LRRTM4: variants seen among roughly 807,000 people sequenced by gnomAD.
LRRTM4 encodes leucine rich repeat transmembrane neuronal 4, also known as leucine-rich repeat transmembrane neuronal protein 4.
In LRRTM4, 25 loss-of-function variants were observed where a neutral mutation model predicts 47.6. The observed-to-expected ratio is 0.53, with a 90% CI of 0.38 to 0.73. The LOEUF is 0.73. Among genes scored for constraint, LRRTM4 ranks in the 30% least tolerant of loss-of-function variants. The probability of loss-of-function intolerance (pLI) is 0.00; values close to 1 mark genes in which losing one functional copy is unlikely to be tolerated. For synonymous variants in LRRTM4, 311 were observed against 269.5 expected (o/e 1.15, Z -1.51); for missense variants, 638 against 713.4 (o/e 0.89, Z 1.20).
chr2:77,046,706 A>G (rs1183074623), intron 3 of LRRTM4, among the ~76,000 whole-genome samples: 1 of 152,000 alleles, frequency 6.6e-6, no homozygotes, highest in Non-Finnish European at 1.5e-5. Flanking sequence ...TTTAAAAAGC[A>G]TAGAGAAAAA....
chr2:77,254,867 G>T (rs185064641), intron 3 of LRRTM4, among the ~76,000 whole-genome samples: 1 of 140,762 alleles, frequency 7.1e-6, no homozygotes, highest in South Asian at 2.3e-4. Flanking sequence ...AAGTAAAAGC[G>T]AACAGAGAAA....
chr2:76,797,731 C>A (rs1040662830), intron 3 of LRRTM4, among the ~76,000 whole-genome samples: 1 of 151,180 alleles, frequency 6.6e-6, no homozygotes, highest in African/African-American at 2.4e-5. Flanking sequence ...ATCTCACGTG[C>A]AGAGACACAC....
At position 76,825,052 on chromosome 2, in the gene LRRTM4, C is replaced by T. The variant is rs767104171; in HGVS notation, c.1552-76136G>A. On this transcript the variant is annotated intron_variant, in intron 3 of 3. Coordinates refer to ENST00000409884, the MANE Select transcript of LRRTM4 (RefSeq NM_001134745.3). ...GGCAACTTTTTCAAGTGCTGGGATA[C>T]GGCGATAGAACGTAAAGACCTAGAG... is the stretch of plus-strand genomic sequence containing the variant. Among the ~76,000 whole-genome samples the T allele has an allele frequency of 1.1e-3, 161 of 151,336 alleles. 1 individual carries two copies. Among genetic ancestry groups the T allele is most frequent in the Non-Finnish European group, 1.3e-3 (90 of 67,688 alleles).
intron 3 of LRRTM4, among the ~76,000 whole-genome samples, chr2:76,872,629 C>T (rs55991201): frequency 0.38 from 58,174 of 151,566 alleles, 12,446 homozygotes; most frequent in East Asian, 0.71. Context: ...CTAAGTTTGG[C>T]TGCTAACTTC....
chr2:77,231,548 A>G (rs1674965254), intron 3 of LRRTM4, among the ~76,000 whole-genome samples: 1 of 152,096 alleles, frequency 6.6e-6, no homozygotes, highest in Non-Finnish European at 1.5e-5. Context: ...GGACATATAT[A>G]GAGATCTTAT....
chr2:76,907,067 T>A (rs1245281000), intron 3 of LRRTM4, among the ~76,000 whole-genome samples: 83 of 152,022 alleles, frequency 5.5e-4, no homozygotes, highest in Non-Finnish European at 8.8e-4. Context: ...ACCACACCTA[T>A]TCCAAAATTA....
chr2:76,803,902 G>C (rs1255921333), intron 3 of LRRTM4, among the ~76,000 whole-genome samples: 2 of 152,144 alleles, frequency 1.3e-5, no homozygotes, highest in African/African-American at 2.4e-5. Flanking sequence ...GCTGGATAGA[G>C]GGTACCTACA....
At chr2:77,077,253 G>T (rs1680367331) in intron 3 of LRRTM4, among the ~76,000 whole-genome samples, 1 of 152,032 alleles carries the variant, frequency 6.6e-6, no homozygotes, top group African/African-American at 2.4e-5. Context: ...TTGTGCCATA[G>T]ATATCACTAA....
intron 3 of LRRTM4, among the ~76,000 whole-genome samples, chr2:77,082,627 G>A (rs973335279): frequency 4.0e-5 from 6 of 151,876 alleles, no homozygotes; most frequent in South Asian, 2.1e-4. Context: ...AAGCCAGTGC[G>A]TCAACACATA....
In LRRTM4 at chr2:77,219,093, T is replaced by G. The variant is rs528540443; in HGVS notation, c.1551+299225A>C. Among the ~76,000 whole-genome samples the G allele has an allele frequency of 3.3e-5, 5 of 152,288 alleles. No homozygotes were observed. The East Asian group carries it at 9.7e-4, about 29-fold the overall frequency. On this transcript the variant is annotated intron_variant, in intron 3 of 3. Transcript: ENST00000409884. ...ATAAATAAATAGGCAGGGTTAAAAT[T>G]GATTTTTCCCTACTGAAATGTCATA...
intron 3 of LRRTM4, among the ~76,000 whole-genome samples, chr2:76,835,169 G>A (rs1671473728): frequency 6.6e-6 from 1 of 151,994 alleles, no homozygotes; most frequent in African/African-American, 2.4e-5. Context: ...CCCAAACAGA[G>A]CTCATTCTTT....
intron 3 of LRRTM4, among the ~76,000 whole-genome samples, chr2:77,314,066 T>C (rs1454319558): frequency 6.6e-6 from 1 of 152,162 alleles, no homozygotes; most frequent in African/African-American, 2.4e-5. Context: ...AAGAGGTAAT[T>C]TTTAGAGGAT....
chr2:77,049,772 T>G (rs1039579817), intron 3 of LRRTM4, among the ~76,000 whole-genome samples: 20 of 152,148 alleles, frequency 1.3e-4, no homozygotes, highest in Admixed American at 2.6e-4. Flanking sequence ...TTTTCCTTGC[T>G]GTGCAGAAGC....
intron 3 of LRRTM4, among the ~76,000 whole-genome samples, chr2:77,487,842 C>A (rs1385340533): frequency 2.0e-5 from 3 of 152,178 alleles, no homozygotes; most frequent in East Asian, 3.9e-4. Context: ...CTGGATTCAG[C>A]CAGCCTCCTG....
intron 3 of LRRTM4, among the ~76,000 whole-genome samples, chr2:77,311,039 G>A (rs182454350): frequency 2.6e-5 from 4 of 151,212 alleles, no homozygotes; most frequent in Non-Finnish European, 2.9e-5. Context: ...GTGTGTGTGA[G>A]AGATATTTAT....
At chr2:76,795,081 A>G (rs1399823708) in intron 3 of LRRTM4, among the ~76,000 whole-genome samples, 1 of 152,084 alleles carries the variant, frequency 6.6e-6, no homozygotes, top group Non-Finnish European at 1.5e-5. Context: ...TACCTTTAAC[A>G]TAGACGGCAG....
intron 3 of LRRTM4, among the ~76,000 whole-genome samples, chr2:77,082,570 A>G (rs1680567234): frequency 6.6e-6 from 1 of 152,152 alleles, no homozygotes; most frequent in African/African-American, 2.4e-5. Context: ...ATATAGGTCA[A>G]TGCAGAAAAC....
intron 3 of LRRTM4, among the ~76,000 whole-genome samples, chr2:76,998,426 C>A (rs1462665153): frequency 1.3e-5 from 2 of 152,084 alleles, no homozygotes; most frequent in African/African-American, 4.8e-5. Context: ...GGCCCTTCTA[C>A]TATCTATATT....
intron 3 of LRRTM4, among the ~76,000 whole-genome samples, chr2:77,005,232 C>A (rs1453921920): frequency 1.3e-5 from 2 of 152,154 alleles, no homozygotes; most frequent in Admixed American, 1.3e-4. Context: ...GCAACCTCTG[C>A]TGCCCTGGTT....
Sources: gnomAD v4.1 joint callset for allele counts (sites outside exome capture counted in the v4.1 genomes callset) on GRCh38, gnomAD v4.1.1 for gene constraint, MANE v1.5 for transcripts, NCBI Gene and HGNC (gene_info 2026-07-23, HGNC 2026-07-21) for gene names.